ACSL1: variants seen among roughly 807,000 people sequenced by gnomAD.
ACSL1 encodes acyl-CoA synthetase long chain family member 1, also known as long-chain-fatty-acid--CoA ligase 1.
ACSL1 carries 41 observed loss-of-function variants against 98.4 expected under a neutral mutation model. The ratio of observed to expected loss-of-function variants is 0.42; its 90% confidence interval spans 0.32 to 0.54. ACSL1 has a LOEUF of 0.54. Ranked by LOEUF, ACSL1 falls within the 20% of genes least tolerant of loss-of-function variation. ACSL1 has a pLI of 0.13. For missense variants in ACSL1, 734 were observed against 883.1 expected (o/e 0.83, Z 2.14); for synonymous variants, 316 against 322.7 (o/e 0.98, Z 0.22).
chr4:184,788,871 C>A (rs1342918362), intron 2 of ACSL1, 140 bp from the exon 3 acceptor site: 3 of 647,806 alleles, frequency 4.6e-6, no homozygotes, highest in Admixed American at 2.9e-5. Flanking sequence ...AAAATCTATT[C>A]TCTTAGTAAT....
chr4:184,802,830 T>A (rs1770756277), intron 2 of ACSL1, among the ~76,000 whole-genome samples: 1 of 152,210 alleles, frequency 6.6e-6, no homozygotes. Flanking sequence ...TGCAGCCGTG[T>A]TCTTCCGTCA....
chr4:184,762,838 C>A (rs1763045051), intron 16 of ACSL1, among the ~76,000 whole-genome samples: 1 of 152,248 alleles, frequency 6.6e-6, no homozygotes, highest in African/African-American at 2.4e-5. Context: ...CATCCAGCAG[C>A]CAGCAGCTCA....
rs756963792 is a variant in ACSL1 at position 184,773,206 on chromosome 4, G to A, written c.842-52C>T. 71 of 1,535,224 alleles carry A rather than the reference G, an allele frequency of 4.6e-5. No individual in the cohort carries two copies. Among genetic ancestry groups the A allele is most frequent in the Non-Finnish European group, 6.0e-5 (67 of 1,111,034 alleles). On this transcript the variant is annotated intron_variant, in intron 9 of 20. Coordinates refer to ENST00000281455, the MANE Select transcript of ACSL1 (RefSeq NM_001995.5). The surrounding 1 kb of genome is among the most constrained non-coding windows in gnomAD (Gnocchi z 4.3). ...AAGTTAAAGAATGACAGAAATGAAG[G>A]AGGCCCAGAAACCTCACATAATTAG...
Position 184,803,225 on chromosome 4 carries a change from A to G in ACSL1, c.195+95T>C. The G allele has an allele frequency of 8.2e-7, 1 of 1,219,784 alleles. No homozygotes were observed. 75.6% of individuals were successfully genotyped at this position (1,219,784 alleles called of 1,614,324 possible). On this transcript the variant is annotated intron_variant, in intron 2 of 20. Coordinates refer to ENST00000281455, the MANE Select transcript of ACSL1 (RefSeq NM_001995.5). The surrounding 1 kb of genome is among the most constrained non-coding windows in gnomAD (Gnocchi z 4.8). Reference sequence around the variant, plus strand: ...ATTTACAAAGTGCAGTTATAAACAAATATTTGATCTTGATGGCTATCACAT... The same window carrying G: ...ATTTACAAAGTGCAGTTATAAACAAGTATTTGATCTTGATGGCTATCACAT...
chr4:184,757,635 C>T lies in ACSL1; in HGVS notation c.1956G>A (p.Gln652=), dbSNP rs1318389851. The change falls in exon 20 of 21, where the codon CAG becomes CAA. Residue 652 remains glutamine (Q), a splice_region_variant and synonymous_variant. Coordinates refer to ENST00000281455, the MANE Select transcript of ACSL1 (RefSeq NM_001995.5). This position sits in a 1 kb window ranked among gnomAD's most constrained non-coding sequence, Gnocchi z 4.5. ...GKDSGLKPFE[Q]VKGITLHPEL... ...TCACCCACTCAGATGAAGGTCATAC[C>T]TGTTCAAATGGTTTCAGACCAGAAT... is the stretch of plus-strand genomic sequence containing the variant. 6.2e-7 allele frequency: 1 copy of T among 1,612,728 alleles called. No individual in the cohort carries two copies. Among genetic ancestry groups the T allele is most frequent in the Non-Finnish European group, 8.5e-7 (1 of 1,179,652 alleles).
intron 2 of ACSL1, among the ~76,000 whole-genome samples, chr4:184,799,425 G>A (rs564271279): frequency 2.0e-5 from 3 of 150,424 alleles, no homozygotes; most frequent in African/African-American, 7.3e-5. Context: ...CCCACTACCC[G>A]ATTCTTGACA....
At chr4:184,824,932 T>C (rs1483714761) in intron 1 of ACSL1, among the ~76,000 whole-genome samples, 2 of 152,176 alleles carry the variant, frequency 1.3e-5, no homozygotes, top group East Asian at 1.9e-4. Flanking sequence ...AGTTGTGAAA[T>C]GGGTGGCAGA....
intron 18 of ACSL1, among the ~76,000 whole-genome samples, chr4:184,760,046 T>A (rs1762640844): frequency 6.6e-6 from 1 of 152,218 alleles, no homozygotes; most frequent in Non-Finnish European, 1.5e-5. Context: ...ATAACCCATG[T>A]CAATATTTTC....
At chr4:184,809,811 A>C (rs1771865119) in intron 1 of ACSL1, among the ~76,000 whole-genome samples, 1 of 152,198 alleles carries the variant, frequency 6.6e-6, no homozygotes, top group South Asian at 2.1e-4. Context: ...AAATAAAAAT[A>C]AAATAAACAA....
At chr4:184,765,153 G>C (rs1203823756) in intron 14 of ACSL1, among the ~76,000 whole-genome samples, 2 of 152,282 alleles carry the variant, frequency 1.3e-5, no homozygotes, top group East Asian at 3.9e-4. Context: ...AAGCGAGGGA[G>C]AACCCCTATG....
intron 18 of ACSL1, among the ~76,000 whole-genome samples, 187 bp downstream of exon 18, chr4:184,760,170 G>A (rs1762658890): frequency 6.6e-6 from 1 of 152,096 alleles, no homozygotes; most frequent in African/African-American, 2.4e-5. Context: ...AAATTAAAGA[G>A]AACAAATTTT....
chr4:184,785,825 C>T (rs997754355), intron 3 of ACSL1, among the ~76,000 whole-genome samples: 4 of 152,144 alleles, frequency 2.6e-5, no homozygotes, highest in Admixed American at 6.5e-5. Context: ...CCATGCTCCT[C>T]GATGAATGTA....
intron 10 of ACSL1, among the ~76,000 whole-genome samples, chr4:184,771,033 A>G (rs916532875): frequency 6.6e-6 from 1 of 152,234 alleles, no homozygotes; most frequent in African/African-American, 2.4e-5. Context: ...CTGAGGCAGC[A>G]GAATTGCTTG....
intron 3 of ACSL1, among the ~76,000 whole-genome samples, chr4:184,786,692 C>CTT (rs34391801): frequency 0.25 from 30,363 of 123,442 alleles, 4,530 homozygotes; most frequent in Non-Finnish European, 0.35. Context: ...TAGGCACTTT[C>CTT]TTTTTTTTTT....
chr4:184,772,743 G>C (rs1192657143), intron 10 of ACSL1, among the ~76,000 whole-genome samples: 1 of 152,170 alleles, frequency 6.6e-6, no homozygotes, highest in African/African-American at 2.4e-5. Context: ...CCCAAATACA[G>C]GGACGCTGGA....
At position 184,825,362 on chromosome 4, in the gene ACSL1, A is replaced by G; in HGVS notation, c.-33+554T>C. 1 of 534,028 alleles carries G rather than the reference A, an allele frequency of 1.9e-6. No homozygotes were observed. The highest frequency in any genetic ancestry group is 1.5e-4 in the East Asian group (1 of 6,784). 33.1% of individuals were successfully genotyped at this position (534,028 alleles called of 1,614,324 possible). A position where few individuals can be genotyped will look rare whatever the true frequency, so the allele number is the denominator to read the frequency against. ...GCACTCCTCTGGAGTCACCGAGAGA[A>G]TGTCTGCCTCTGGCAGCGGCCTCTG... On this transcript the variant is annotated intron_variant, in intron 1 of 20. Transcript: ENST00000281455. The surrounding 1 kb of genome is among the most constrained non-coding windows in gnomAD (Gnocchi z 4.7).
intron 5 of ACSL1, among the ~76,000 whole-genome samples, chr4:184,778,419 G>C (rs1232542953): frequency 6.6e-6 from 1 of 152,180 alleles, no homozygotes; most frequent in Non-Finnish European, 1.5e-5. Context: ...CATGAGGAAG[G>C]CTGTCTTTCC....
chr4:184,760,327 A>G (rs770846092), intron 18 of ACSL1, 30 bp downstream of exon 18: 33 of 1,612,606 alleles, frequency 2.0e-5, no homozygotes, highest in Non-Finnish European at 2.6e-5. Flanking sequence ...ATGTGTATGC[A>G]GCAAGATTCA....
chr4:184,803,116 C>A lies in ACSL1; in HGVS notation c.195+204G>T, dbSNP rs893245713. 6.6e-6 allele frequency among the ~76,000 whole-genome samples: 1 copy of A among 152,200 alleles called. No individual in the cohort carries two copies. Among genetic ancestry groups the A allele is most frequent in the African/African-American group, 2.4e-5 (1 of 41,446 alleles). ...TTCCATGTGACGAGAGGTAGACACC[C>A]AACCGACACCCTCTCATCTGTCCCT... is the stretch of plus-strand genomic sequence containing the variant. On this transcript the variant is annotated intron_variant, in intron 2 of 20. Coordinates refer to ENST00000281455, the MANE Select transcript of ACSL1 (RefSeq NM_001995.5). This position sits in a 1 kb window ranked among gnomAD's most constrained non-coding sequence, Gnocchi z 4.8.
Sources: allele counts gnomAD v4.1 joint callset (sites outside exome capture counted in the v4.1 genomes callset), GRCh38; gene constraint gnomAD v4.1.1; non-coding constraint Gnocchi (gnomAD v3.1); transcripts MANE v1.5; gene names NCBI Gene and HGNC (gene_info 2026-07-23, HGNC 2026-07-21).